EPX: variants seen among roughly 807,000 people sequenced by gnomAD.
The protein encoded by EPX is eosinophil peroxidase.
In EPX, 60 loss-of-function variants were observed where a neutral mutation model predicts 73.0. That is an observed-to-expected ratio of 0.82 (90% CI 0.67 to 1.02). EPX has a LOEUF of 1.02. Among genes scored for constraint, EPX ranks in the 50% least tolerant of loss-of-function variants. The pLI is 0.00. For missense variants in EPX, 950 were observed against 973.9 expected (o/e 0.98, Z 0.33); for synonymous variants, 347 against 389.2 (o/e 0.89, Z 1.28).
intron 10 of EPX, among the ~76,000 whole-genome samples, chr17:58,200,794 A>G (rs1968330089): frequency 6.6e-6 from 1 of 152,250 alleles, no homozygotes; most frequent in Non-Finnish European, 1.5e-5. Flanking sequence ...CCTTGCTCTA[A>G]GTGGAGAAAG....
chr17:58,198,641 T>C (rs1968294770), intron 7 of EPX, among the ~76,000 whole-genome samples: 1 of 152,156 alleles, frequency 6.6e-6, no homozygotes, highest in African/African-American at 2.4e-5. Context: ...CACCAGCCCT[T>C]GGCAGAGAAC....
intron 3 of EPX, 58 bp from the exon 4 acceptor site, chr17:58,193,655 TA>T: frequency 6.5e-7 from 1 of 1,540,538 alleles, no homozygotes; most frequent in South Asian, 1.1e-5. Context: ...GGAGAGAGGG[TA>T]AAGGGATGGG....
At chr17:58,198,095 C>T (rs1968287272) in intron 7 of EPX, among the ~76,000 whole-genome samples, 1 of 152,194 alleles carries the variant, frequency 6.6e-6, no homozygotes, top group African/African-American at 2.4e-5. Flanking sequence ...CTTGGCCTCC[C>T]AAAGTGTTGG....
At chr17:58,198,053 C>G (rs942681160) in intron 7 of EPX, among the ~76,000 whole-genome samples, 1 of 152,158 alleles carries the variant, frequency 6.6e-6, no homozygotes, top group African/African-American at 2.4e-5. Context: ...CCAGGCTGGT[C>G]TCGAACTCCT....
At position 58,203,239 on chromosome 17, in the gene EPX, C is replaced by T. The variant is rs1968365591; in HGVS notation, c.1867C>T (p.Leu623Phe). The change falls in exon 11 of 13, where the codon CTT becomes TTT. Residue 623 changes from leucine to phenylalanine, a missense_variant. Coordinates refer to ENST00000225371, the MANE Select transcript of EPX (RefSeq NM_000502.6). The part of the protein sequence containing the change: ...DIWIGAIAEP[L>F]LPGARVGPLL... ...CTGGATTGGGGCCATCGCTGAGCCT[C>T]TTTTGCCGGGGGCTCGAGTGGGGCC... 5.0e-6 allele frequency: 8 copies of T among 1,614,210 alleles called. No individual in the cohort carries two copies. The highest frequency in any genetic ancestry group is 6.8e-6 in the Non-Finnish European group (8 of 1,180,042).
intron 7 of EPX, among the ~76,000 whole-genome samples, 163 bp from the exon 8 acceptor site, chr17:58,198,877 G>C (rs1262303604): frequency 6.6e-6 from 1 of 152,230 alleles, no homozygotes; most frequent in Admixed American, 6.5e-5. Context: ...TTAGGGAGGA[G>C]GGTGGCGATG....
Position 58,194,064 on chromosome 17 carries a change from G to A in EPX, c.566G>A (p.Arg189Lys). Residue 189 changes from arginine to lysine, a missense_variant, in exon 5 of 13, where the codon AGG (arginine) becomes AAG (lysine). By Grantham distance (26) the Arg-to-Lys change is conservative. Transcript: ENST00000225371. ...CTCCCCTTCGGCTGGACCCCCAGCAGGAGGCGCAATGGCTTCCTTCTCCCT... is the reference window on the plus strand; with the variant it reads ...CTCCCCTTCGGCTGGACCCCCAGCAAGAGGCGCAATGGCTTCCTTCTCCCT... ...LSLPFGWTPS[R>K]RRNGFLLPLV... is the part of the protein sequence containing the mutation. 1 of 1,613,554 alleles carries A rather than the reference G, an allele frequency of 6.2e-7. No homozygotes were observed. The highest frequency in any genetic ancestry group is 8.5e-7 in the Non-Finnish European group (1 of 1,180,010).
At chr17:58,204,004 G>A (rs371904929) in intron 11 of EPX, among the ~76,000 whole-genome samples, 39 of 136,076 alleles carry the variant, frequency 2.9e-4, no homozygotes, top group African/African-American at 9.2e-4. Flanking sequence ...GGTATTGCCC[G>A]AGTTCAAATC....
chr17:58,193,290 C>T, intron 2 of EPX, 81 bp from the exon 3 acceptor site: 13 of 1,453,910 alleles, frequency 8.9e-6, no homozygotes, highest in Non-Finnish European at 1.3e-5. Flanking sequence ...CTTGCCCTGT[C>T]CTGACTGTGC....
chr17:58,197,079 G>T lies in EPX; in HGVS notation c.942G>T (p.Val314=). Residue 314 remains valine, a synonymous_variant, in exon 7 of 13, where the codon GTG becomes GTT. Coordinates refer to ENST00000225371, the MANE Select transcript of EPX (RefSeq NM_000502.6). ...CCTCCTTTGTGGACGCCAGCATGGT[G>T]TATGGCAGTGAGGTCTCCCTCTCGC... is the stretch of plus-strand genomic sequence containing the variant. ...ALTSFVDASM[V]YGSEVSLSLR... The T allele has an allele frequency of 6.2e-7, 1 of 1,614,224 alleles. No homozygotes were observed. The highest frequency in any genetic ancestry group is 8.5e-7 in the Non-Finnish European group (1 of 1,180,034).
At chr17:58,202,709 TC>T in intron 10 of EPX, 1 of 290,460 alleles carries the variant, frequency 3.4e-6, no homozygotes, top group Non-Finnish European at 6.7e-6. Context: ...GCTCACTCAT[TC>T]ATTCTACAAA....
Position 58,193,041 on chromosome 17 carries a change from C to G in EPX, c.80C>G (p.Ser27Cys), listed in dbSNP as rs1182192133. ...GAGTCCCCATCTCTTTGAACAGCCT[C>G]CCCTGGGGCAGTGGAGACCTCGGTC... ...AQPCEGTDPA[S>C]PGAVETSVLR... The change falls in exon 2 of 13, where the codon TCC (serine) becomes TGC (cysteine). Residue 27 changes from serine (S) to cysteine (C), a missense_variant. Physicochemically the swap from Ser to Cys is moderately radical, Grantham distance 112. Transcript: ENST00000225371. 8.1e-6 allele frequency: 13 copies of G among 1,610,936 alleles called. No individual in the cohort carries two copies. The highest frequency in any genetic ancestry group is 1.3e-5 in the African/African-American group (1 of 74,876).
rs563560397 is a variant in EPX at position 58,193,776 on chromosome 17, C to T, written c.409C>T (p.Gln137Ter). ...GGCCAGTGGCTGTGCTCTCCGGGAC[C>T]AGGCCGAGCGCTGCAGCGACAAGTA... Reference protein sequence around the residue: ...SQASGCALRDQAERCSDKYRT... With the variant: ...SQASGCALRD Residue 137 changes from glutamine (Q) to a stop codon, truncating the protein, a stop_gained, in exon 4 of 13, where the codon CAG becomes TAG. Transcript: ENST00000225371. LOFTEE classifies it high-confidence loss of function. 3.4e-5 allele frequency: 55 copies of T among 1,612,932 alleles called. No homozygotes were observed. The highest frequency in any genetic ancestry group is 4.3e-5 in the Non-Finnish European group (51 of 1,179,966).
rs775623095 is a variant in EPX at position 58,204,349 on chromosome 17, A to G, written c.2074A>G (p.Asn692Asp). The G allele has an allele frequency of 6.2e-7, 1 of 1,614,110 alleles. No individual in the cohort carries two copies. The highest frequency in any genetic ancestry group is 1.1e-5 in the South Asian group (1 of 91,076). ...GGTTTCAAGGGACATCTTCAGAGCCAACATCTACCCTCGGGGCTTTGTGAA... is the reference window on the plus strand; with the variant it reads ...GGTTTCAAGGGACATCTTCAGAGCCGACATCTACCCTCGGGGCTTTGTGAA... Reference protein sequence around the residue: ...TTVSRDIFRANIYPRGFVNCS... With the variant: ...TTVSRDIFRADIYPRGFVNCS... Residue 692 changes from asparagine (N) to aspartate (D), a missense_variant, in exon 12 of 13, where the codon AAC becomes GAC. Transcript: ENST00000225371.
Position 58,199,629 on chromosome 17 carries a change from G to A in EPX, c.1372G>A (p.Val458Met), listed in dbSNP as rs34817773. The A allele has an allele frequency of 2.2e-4, 362 of 1,614,198 alleles. 1 individual carries two copies. The African/African-American group carries it at 4.3e-3, about 19-fold the overall frequency. ...LGHYRGYCSNVDPRVANVFTL... is the reference protein window; with the variant it reads ...LGHYRGYCSNMDPRVANVFTL... ...GCACTACAGGGGGTACTGCTCCAAT[G>A]TGGACCCACGGGTGGCCAATGTCTT... Residue 458 changes from valine to methionine, a missense_variant, in exon 9 of 13, where the codon GTG (valine) becomes ATG (methionine). Transcript: ENST00000225371.
At chr17:58,195,275 G>A in intron 6 of EPX, 105 bp downstream of exon 6, 1 of 878,200 alleles carries the variant, frequency 1.1e-6, no homozygotes, top group Non-Finnish European at 1.9e-6. Context: ...TTAAGGAGCT[G>A]CCTGTGGAGC....
chr17:58,196,490 G>A (rs1968258168), intron 6 of EPX, among the ~76,000 whole-genome samples: 1 of 152,134 alleles, frequency 6.6e-6, no homozygotes, highest in African/African-American at 2.4e-5. Flanking sequence ...TTTTTCCACT[G>A]AACTGCCAGC....
chr17:58,197,026 A>G lies in EPX; in HGVS notation c.889A>G (p.Arg297Gly). 6.2e-7 allele frequency: 1 copy of G among 1,614,138 alleles called. No individual in the cohort carries two copies. Among genetic ancestry groups the G allele is most frequent in the Non-Finnish European group, 8.5e-7 (1 of 1,180,018 alleles). The part of the protein sequence containing the change: ...SAPSCPQNKN[R>G]VRNQINALTS... ...ACCCTCATGCCCCCAAAACAAGAAC[A>G]GAGTCCGCAACCAGATCAACGCGCT... is the stretch of plus-strand genomic sequence containing the variant. Residue 297 changes from arginine (R) to glycine (G), a missense_variant, in exon 7 of 13, where the codon AGA (arginine) becomes GGA (glycine). By Grantham distance (125) the Arg-to-Gly change is moderately radical. Coordinates refer to ENST00000225371, the MANE Select transcript of EPX (RefSeq NM_000502.6).
chr17:58,201,069 T>G (rs1190804283), intron 10 of EPX, among the ~76,000 whole-genome samples: 1 of 152,264 alleles, frequency 6.6e-6, no homozygotes, highest in Non-Finnish European at 1.5e-5. Flanking sequence ...AATCTGAATT[T>G]AAATTTACAA....
Sources: gnomAD v4.1 joint callset for allele counts (sites outside exome capture counted in the v4.1 genomes callset) on GRCh38, gnomAD v4.1.1 for gene constraint, MANE v1.5 for transcripts, NCBI Gene and HGNC (gene_info 2026-07-23, HGNC 2026-07-21) for gene names.